Variants in PDE4D observed in about 807,000 individuals in gnomAD.
PDE4D encodes phosphodiesterase 4D, also known as 3',5'-cyclic-AMP phosphodiesterase 4D.
PDE4D carries 24 observed loss-of-function variants against 87.4 expected under a neutral mutation model. The ratio of observed to expected loss-of-function variants is 0.27; its 90% CI spans 0.20 to 0.39. The LOEUF is 0.39. Ranked by LOEUF, PDE4D falls within the 10% of genes least tolerant of loss-of-function variation. PDE4D has a pLI of 1.00. For missense variants in PDE4D, 714 were observed against 1,041.0 expected, an observed-to-expected ratio of 0.69 and a Z score of 4.32; for synonymous variants, 384 against 383.2, an observed-to-expected ratio of 1.00 and a Z score of -0.02.
chr5:59,402,185 C>A (rs1253991390), intron 1 of PDE4D, among the ~76,000 whole-genome samples: 1 of 152,194 alleles, frequency 6.6e-6, no homozygotes, highest in African/African-American at 2.4e-5. Flanking sequence ...TAAGGAGGAT[C>A]ATCTCGTTTA....
chr5:59,634,266 G>A (rs1831961004), intron 1 of PDE4D, among the ~76,000 whole-genome samples: 1 of 152,156 alleles, frequency 6.6e-6, no homozygotes, highest in South Asian at 2.1e-4. Context: ...AAGAGACTTA[G>A]ACTTCCACAC....
chr5:59,542,243 C>T (rs923540614), intron 1 of PDE4D, among the ~76,000 whole-genome samples: 8 of 152,068 alleles, frequency 5.3e-5, no homozygotes, highest in East Asian at 1.9e-4. Context: ...CTCACAGCCA[C>T]CCAAATCCTG....
At chr5:60,023,418 A>C (rs1304562447) in intron 2 of PDE4D, among the ~76,000 whole-genome samples, 1 of 152,044 alleles carries the variant, frequency 6.6e-6, no homozygotes, top group East Asian at 1.9e-4. Flanking sequence ...ACTCCTAGCA[A>C]TTTCAGTTGC....
chr5:59,002,407 G>A (rs1750720874), intron 6 of PDE4D, among the ~76,000 whole-genome samples: 1 of 152,046 alleles, frequency 6.6e-6, no homozygotes, highest in Non-Finnish European at 1.5e-5. Flanking sequence ...CATGACTGCT[G>A]AGGCTAAGTC....
At chr5:60,354,602 G>A (rs112504110) in intron 1 of PDE4D, among the ~76,000 whole-genome samples, 117 of 152,222 alleles carry the variant, frequency 7.7e-4, no homozygotes, top group African/African-American at 2.8e-3. Flanking sequence ...CACCAACAAG[G>A]TAATCTCTAT....
intron 1 of PDE4D, among the ~76,000 whole-genome samples, chr5:59,660,256 T>G (rs1745022474): frequency 6.6e-6 from 1 of 152,146 alleles, no homozygotes; most frequent in African/African-American, 2.4e-5. Flanking sequence ...CCCTTGGTAA[T>G]ACATATTTCT....
intron 2 of PDE4D, among the ~76,000 whole-genome samples, chr5:60,108,912 A>T (rs1777353674): frequency 6.6e-6 from 1 of 152,198 alleles, no homozygotes; most frequent in Non-Finnish European, 1.5e-5. Flanking sequence ...AAACCCTAGA[A>T]GAAAACCTAG....
At chr5:59,595,693 C>T (rs1170379979) in intron 1 of PDE4D, among the ~76,000 whole-genome samples, 1 of 152,076 alleles carries the variant, frequency 6.6e-6, no homozygotes, top group Non-Finnish European at 1.5e-5. Flanking sequence ...CTTTAAAACT[C>T]TTGTGATGAA....
intron 2 of PDE4D, among the ~76,000 whole-genome samples, chr5:60,153,002 A>G (rs1158301923): frequency 6.6e-6 from 1 of 152,210 alleles, no homozygotes; most frequent in Admixed American, 6.5e-5. Flanking sequence ...TCAAAAGCAC[A>G]AACAACAAAA....
At chr5:60,166,560 TATA>T (rs1357535290) in intron 2 of PDE4D, among the ~76,000 whole-genome samples, 1 of 152,242 alleles carries the variant, frequency 6.6e-6, no homozygotes, top group African/African-American at 2.4e-5. Flanking sequence ...CTTCTAAAGA[TATA>T]AGTGATTTAA....
At chr5:59,403,700 A>G (rs1218440230) in intron 1 of PDE4D, among the ~76,000 whole-genome samples, 3 of 152,094 alleles carry the variant, frequency 2.0e-5, no homozygotes, top group Non-Finnish European at 4.4e-5. Flanking sequence ...TTCTTTATTC[A>G]TTCGTCTATT....
intron 1 of PDE4D, among the ~76,000 whole-genome samples, chr5:59,302,179 C>T (rs939071411): frequency 3.9e-5 from 6 of 152,130 alleles, no homozygotes; most frequent in Middle Eastern, 6.8e-3. Flanking sequence ...CAAGTTACTG[C>T]GCATGCAAGG....
intron 5 of PDE4D, among the ~76,000 whole-genome samples, chr5:59,145,563 GC>G (rs1308034647): frequency 6.6e-6 from 1 of 152,176 alleles, no homozygotes; most frequent in Non-Finnish European, 1.5e-5. Context: ...GAATGAATGT[GC>G]AGATCTTTCC....
intron 1 of PDE4D, among the ~76,000 whole-genome samples, chr5:60,265,973 G>T (rs150837124): frequency 6.6e-6 from 1 of 152,126 alleles, no homozygotes; most frequent in African/African-American, 2.4e-5. Context: ...TGCAAAGAGC[G>T]TTGGTCCCTC....
chr5:59,277,789 C>T (rs1390076280), intron 1 of PDE4D, among the ~76,000 whole-genome samples: 1 of 152,134 alleles, frequency 6.6e-6, no homozygotes, highest in Non-Finnish European at 1.5e-5. Flanking sequence ...TTCTCTGTCA[C>T]ACACACACAA....
chr5:60,420,765 G>T (rs37706), intron 1 of PDE4D, among the ~76,000 whole-genome samples: 1 of 152,154 alleles, frequency 6.6e-6, no homozygotes, highest in Non-Finnish European at 1.5e-5. Context: ...CCTGGGAAGT[G>T]CAAGGGGTTG....
chr5:59,894,043 C>G (rs1319237852), upstream of PDE4D, among the ~76,000 whole-genome samples: 5 of 152,164 alleles, frequency 3.3e-5, no homozygotes, highest in Non-Finnish European at 2.9e-5. Flanking sequence ...GTAGCCGCCT[C>G]CAGGGCACCG....
intron 1 of PDE4D, among the ~76,000 whole-genome samples, chr5:59,814,675 A>G (rs1581229793): frequency 6.6e-6 from 1 of 151,898 alleles, no homozygotes; most frequent in Admixed American, 6.6e-5. Context: ...TAAAATCCAG[A>G]CCTCTCGCCA....
intron 1 of PDE4D, among the ~76,000 whole-genome samples, chr5:60,355,907 C>T (rs1373227161): frequency 6.6e-6 from 1 of 151,868 alleles, no homozygotes. Context: ...GGTAGCAGAG[C>T]CAGAAGAAAA....
Sources: gnomAD v4.1 joint callset for allele counts (sites outside exome capture counted in the v4.1 genomes callset) on GRCh38, gnomAD v4.1.1 for gene constraint, MANE v1.5 for transcripts, NCBI Gene and HGNC (gene_info 2026-07-23, HGNC 2026-07-21) for gene names.